The following CA5B variants were observed in gnomAD, a reference collection of about 807,000 sequenced individuals.
CA5B encodes carbonic anhydrase 5B, mitochondrial.
In CA5B, 15 loss-of-function variants were observed where a neutral mutation model predicts 23.1. That is an observed-to-expected ratio of 0.65 (90% confidence interval 0.43 to 1.00). The LOEUF (loss-of-function observed/expected upper bound fraction) is 1.00. CA5B is among the 50% of genes least tolerant of loss of function. CA5B has a pLI of 0.00. For missense variants in CA5B, 236 were observed against 252.2 expected, an observed-to-expected ratio of 0.94 and a Z score of 0.43; for synonymous variants, 84 against 98.5, an observed-to-expected ratio of 0.85 and a Z score of 0.87.
intron 2 of CA5B, among the ~76,000 whole-genome samples, chrX:15,752,829 A>G (rs967695055): frequency 6.3e-5 from 7 of 111,186 alleles, no homozygotes; most frequent in African/African-American, 9.8e-5. Flanking sequence ...TTTCTCATCT[A>G]TTGTCTCTAA....
At chrX:15,740,835 G>A (rs1367015583) in intron 1 of CA5B, among the ~76,000 whole-genome samples, 2 of 112,289 alleles carry the variant, frequency 1.8e-5, no homozygotes, top group East Asian at 2.8e-4. Flanking sequence ...AGGCTGAGGC[G>A]GGTGGATCGT....
At chrX:15,756,278 C>T (rs1211478663) in intron 2 of CA5B, among the ~76,000 whole-genome samples, 2 of 112,150 alleles carry the variant, frequency 1.8e-5, no homozygotes, top group African/African-American at 6.5e-5. Flanking sequence ...GGGTAGAGAG[C>T]CTTGGTATCA....
chrX:15,786,049 T>G lies in CA5B; in HGVS notation c.*3385T>G, dbSNP rs1433243590. On this transcript the variant is annotated 3_prime_UTR_variant, in exon 8 of 8. Coordinates refer to ENST00000318636, the MANE Select transcript of CA5B (RefSeq NM_007220.4). ...CCACACCCGGCTATTTTTTGTATTTTAAGTAGAGACAGGGTTTCACCGTGT... is the reference window on the plus strand; with the variant it reads ...CCACACCCGGCTATTTTTTGTATTTGAAGTAGAGACAGGGTTTCACCGTGT... 9.0e-6 allele frequency: 1 copy of G among 110,852 alleles called. No homozygotes were observed. Among genetic ancestry groups the G allele is most frequent in the African/African-American group, 3.3e-5 (1 of 30,421 alleles). The allele number at this position is 110,852 out of a possible 1,213,427, so 9.1% of individuals were successfully genotyped here. A position where few individuals can be genotyped will look rare whatever the true frequency, so the allele number is the denominator to read the frequency against.
chrX:15,780,987 T>C (rs1245612017), intron 7 of CA5B, among the ~76,000 whole-genome samples: 1 of 110,437 alleles, frequency 9.1e-6, no homozygotes, highest in African/African-American at 3.3e-5. Flanking sequence ...TTTTCTTTTT[T>C]TTTTTTTTGA....
chrX:15,747,273 C>A (rs1037491542), intron 1 of CA5B, among the ~76,000 whole-genome samples: 8 of 111,716 alleles, frequency 7.2e-5, no homozygotes, highest in Non-Finnish European at 1.5e-4. Flanking sequence ...TAAGTAGACA[C>A]GAGGCTGGCC....
At chrX:15,772,687 C>T in intron 4 of CA5B, 73 bp downstream of exon 4, 2 of 562,070 alleles carry the variant, frequency 3.6e-6, no homozygotes, top group Non-Finnish European at 2.9e-6. Context: ...AGTTGTAAGA[C>T]ATTATTAGAA....
At chrX:15,745,357 G>A (rs1288872743) in intron 1 of CA5B, among the ~76,000 whole-genome samples, 1 of 111,053 alleles carries the variant, frequency 9.0e-6, no homozygotes, top group African/African-American at 3.3e-5. Flanking sequence ...AGGGATAGAG[G>A]AGGAGTTATT....
At chrX:15,760,508 AT>A (rs1281343383) in intron 2 of CA5B, among the ~76,000 whole-genome samples, 4 of 111,699 alleles carry the variant, frequency 3.6e-5, no homozygotes, top group Admixed American at 9.5e-5. Context: ...TTAAAGAGCA[AT>A]TGAAGGAACA....
chrX:15,757,723 AC>A (rs1931522659), intron 2 of CA5B, among the ~76,000 whole-genome samples: 1 of 109,024 alleles, frequency 9.2e-6, no homozygotes, highest in Admixed American at 9.9e-5. Context: ...AAAAAAAAAA[AC>A]CCCAAAGTAG....
intron 6 of CA5B, chrX:15,775,572 G>A (rs958862042): frequency 1.4e-5 from 12 of 856,784 alleles, no homozygotes; most frequent in East Asian, 6.3e-5. Flanking sequence ...TCCTGACACC[G>A]GCTCCTTCTA....
At chrX:15,741,492 T>G (rs5936036) in intron 1 of CA5B, among the ~76,000 whole-genome samples, 39,578 of 108,814 alleles carry the variant, frequency 0.36, 5,322 homozygotes, top group East Asian at 0.45. Context: ...TTGTTTGTTT[T>G]TTTTTGAGAC....
In CA5B at chrX:15,786,023, A is replaced by G. The variant is rs1384537039; in HGVS notation, c.*3359A>G. ...GTAGCTGGGACTACAGGCGCCCGCC[A>G]CCACACCCGGCTATTTTTTGTATTT... On this transcript the variant is annotated 3_prime_UTR_variant, in exon 8 of 8. Coordinates refer to ENST00000318636, the MANE Select transcript of CA5B (RefSeq NM_007220.4). 1.8e-5 allele frequency: 2 copies of G among 111,199 alleles called. No homozygotes were observed. Among genetic ancestry groups the G allele is most frequent in the African/African-American group, 6.5e-5 (2 of 30,545 alleles). 9.2% of individuals were successfully genotyped at this position (111,199 alleles called of 1,213,427 possible).
At chrX:15,777,101 A>G (rs1931946744) in intron 7 of CA5B, among the ~76,000 whole-genome samples, 2 of 112,390 alleles carry the variant, frequency 1.8e-5, no homozygotes, top group South Asian at 7.2e-4. Context: ...ATATTTGACA[A>G]TTACATATGT....
At chrX:15,739,958 C>T (rs1280649637) in intron 1 of CA5B, among the ~76,000 whole-genome samples, 1 of 111,931 alleles carries the variant, frequency 8.9e-6, no homozygotes, top group African/African-American at 3.2e-5. Flanking sequence ...TAATTGTAAC[C>T]TTTAGTCAGA....
Position 15,786,884 on chromosome X carries a change from C to T in CA5B, c.*4220C>T, listed in dbSNP as rs1932127048. The T allele has an allele frequency of 8.9e-6, 1 of 111,918 alleles. No homozygotes were observed. The highest frequency in any genetic ancestry group is 1.9e-5 in the Non-Finnish European group (1 of 53,209). 9.2% of individuals were successfully genotyped at this position (111,918 alleles called of 1,213,427 possible). ...CCGCCTTTCTCCTTTCCCAGGGCTA[C>T]ATGGTGCCAAGCAGGTTCAGTGTAC... On this transcript the variant is annotated 3_prime_UTR_variant, in exon 8 of 8. Coordinates refer to ENST00000318636, the MANE Select transcript of CA5B (RefSeq NM_007220.4).
intron 1 of CA5B, among the ~76,000 whole-genome samples, chrX:15,746,943 G>C (rs1325739770): frequency 1.8e-5 from 2 of 111,610 alleles, no homozygotes; most frequent in African/African-American, 6.5e-5. Flanking sequence ...GGGAGGTTCA[G>C]ACTCTGAGCC....
At chrX:15,758,854 C>T (rs867216100) in intron 2 of CA5B, among the ~76,000 whole-genome samples, 5 of 111,706 alleles carry the variant, frequency 4.5e-5, no homozygotes, top group Middle Eastern at 9.3e-3. Flanking sequence ...ACAAATCTTC[C>T]CAGTGATGCT....
At chrX:15,755,657 C>T (rs1420613705) in intron 2 of CA5B, among the ~76,000 whole-genome samples, 1 of 112,226 alleles carries the variant, frequency 8.9e-6, no homozygotes, top group African/African-American at 3.2e-5. Flanking sequence ...TCTAATAGGC[C>T]AGGTACAGTG....
intron 1 of CA5B, among the ~76,000 whole-genome samples, chrX:15,742,499 G>A (rs775447483): frequency 2.9e-4 from 33 of 112,096 alleles, no homozygotes; most frequent in Non-Finnish European, 5.5e-4. Flanking sequence ...TCAGCCTCCC[G>A]AGTAGCTGGG....
Sources: gnomAD v4.1 joint callset for allele counts (sites outside exome capture counted in the v4.1 genomes callset) on GRCh38, gnomAD v4.1.1 for gene constraint, MANE v1.5 for transcripts, NCBI Gene and HGNC (gene_info 2026-07-23, HGNC 2026-07-21) for gene names.